Variants in ZMYM6 observed in about 807,000 individuals in gnomAD.
ZMYM6 encodes the protein zinc finger MYM-type containing 6.
A neutral mutation model predicts 134.0 loss-of-function variants in ZMYM6; 90 were observed. That is an observed-to-expected ratio of 0.67 (90% CI 0.57 to 0.80). The LOEUF is 0.80. Among genes scored for constraint, ZMYM6 ranks in the 30% least tolerant of loss-of-function variants. The probability of loss-of-function intolerance (pLI) is 0.00; values close to 1 mark genes in which losing one functional copy is unlikely to be tolerated. For missense variants in ZMYM6, 1,362 were observed against 1,533.9 expected, an observed-to-expected ratio of 0.89 and a Z score of 1.87; for synonymous variants, 481 against 524.1, an observed-to-expected ratio of 0.92 and a Z score of 1.12.
intron 14 of ZMYM6, among the ~76,000 whole-genome samples, chr1:34,995,330 A>ATATATGTATATACGTTG (rs1640765293): frequency 6.6e-6 from 1 of 150,846 alleles, no homozygotes; most frequent in Admixed American, 6.6e-5. Flanking sequence ...CACATATACA[A>ATATATGTATATACGTTG]TATATGTATA....
At chr1:34,999,836 A>G (rs1004231203) in intron 14 of ZMYM6, among the ~76,000 whole-genome samples, 1 of 152,178 alleles carries the variant, frequency 6.6e-6, no homozygotes, top group Admixed American at 6.5e-5. Context: ...AAAAATGAAA[A>G]TGCTCTTTGA....
rs1449537654 is a variant in ZMYM6, at chr1:35,010,771, A to T, written c.1328T>A (p.Leu443His). Reference sequence around the variant, plus strand: ...ATCTCTCTTTACCTTGTAAAAAAGAAGTTCTGGTTTTGTGGCAAATAGATG... The same window carrying T: ...ATCTCTCTTTACCTTGTAAAAAAGATGTTCTGGTTTTGTGGCAAATAGATG... Reference protein sequence around the residue: ...CNHLFATKPELLFYKGKMFLF... With the variant: ...CNHLFATKPEHLFYKGKMFLF... The change falls in exon 9 of 16, where the codon CTT (leucine) becomes CAT (histidine). Residue 443 changes from leucine (L) to histidine (H), a missense_variant. Leu to His is a moderately conservative substitution (Grantham distance 99). Transcript: ENST00000357182. The T allele has an allele frequency of 1.3e-6, 2 of 1,561,474 alleles. No individual in the cohort carries two copies. Among genetic ancestry groups the T allele is most frequent in the East Asian group, 4.5e-5 (2 of 44,596 alleles).
chr1:34,988,958 T>G (rs368659409), intron 15 of ZMYM6, 23 bp from the exon 16 acceptor site: 1 of 1,592,644 alleles, frequency 6.3e-7, no homozygotes, highest in African/African-American at 1.4e-5. Flanking sequence ...TTTGAATCAC[T>G]GTTATTTTCA....
intron 14 of ZMYM6, 31 bp downstream of exon 14, chr1:35,003,937 T>C (rs920660678): frequency 6.3e-7 from 1 of 1,598,820 alleles, no homozygotes; most frequent in African/African-American, 1.3e-5. Flanking sequence ...CAAGTGGCAT[T>C]ATCAAGAAAA....
chr1:35,031,358 T>C (rs1231121897), intron 1 of ZMYM6: 1 of 152,176 alleles, frequency 6.6e-6, no homozygotes, highest in Non-Finnish European at 1.5e-5. Context: ...GAAACTCAAT[T>C]GGCCATTCAG....
At chr1:35,010,707 T>A in intron 9 of ZMYM6, 51 bp downstream of exon 9, 2 of 1,537,676 alleles carry the variant, frequency 1.3e-6, no homozygotes, top group Non-Finnish European at 1.7e-6. Context: ...AACACAAAAG[T>A]GTTTCTACTG....
chr1:35,010,403 TTA>T, intron 10 of ZMYM6, 42 bp downstream of exon 10: 1 of 1,572,210 alleles, frequency 6.4e-7, no homozygotes. Context: ...TCGTCATGAA[TTA>T]TAACAACCCA....
intron 14 of ZMYM6, 126 bp downstream of exon 14, chr1:35,003,842 C>T (rs1640919752): frequency 2.5e-6 from 2 of 790,682 alleles, no homozygotes; most frequent in Non-Finnish European, 4.2e-6. Context: ...TGCCCAAGAC[C>T]TAGATTAATG....
At chr1:35,029,821 G>A (rs1199165405) in intron 2 of ZMYM6, among the ~76,000 whole-genome samples, 1 of 152,032 alleles carries the variant, frequency 6.6e-6, no homozygotes, top group Non-Finnish European at 1.5e-5. Context: ...CCAAAACTAG[G>A]TCAGATTCCC....
At position 34,987,960 on chromosome 1, in the gene ZMYM6, T is replaced by C. The variant is rs1429987907; in HGVS notation, c.3122A>G (p.Lys1041Arg). 3.9e-6 allele frequency: 6 copies of C among 1,551,598 alleles called. No homozygotes were observed. The highest frequency in any genetic ancestry group is 5.2e-6 in the Non-Finnish European group (6 of 1,146,964). ...LQSAQILSFIKSNALNSRMLT... is the reference protein window; with the variant it reads ...LQSAQILSFIRSNALNSRMLT... ...CATACGTGAATTTAATGCATTGCTCTTTATAAAACTTAAAATTTGTGCTGA... is the reference window on the plus strand; with the variant it reads ...CATACGTGAATTTAATGCATTGCTCCTTATAAAACTTAAAATTTGTGCTGA... Residue 1041 changes from lysine to arginine, a missense_variant, in exon 16 of 16, where the codon AAG becomes AGG. This residue lies in a region of ZMYM6 where 824 missense variants were observed against 940.9 expected (regional missense o/e 0.88). Coordinates refer to ENST00000357182, the MANE Select transcript of ZMYM6 (RefSeq NM_007167.4).
chr1:34,989,203 T>C (rs1021728532), intron 15 of ZMYM6: 17 of 1,181,590 alleles, frequency 1.4e-5, no homozygotes, highest in African/African-American at 4.8e-5. Flanking sequence ...CAATAGGTTA[T>C]TGAAATTAGG....
chr1:35,016,276 A>G (rs192494030), intron 4 of ZMYM6, among the ~76,000 whole-genome samples: 1 of 152,306 alleles, frequency 6.6e-6, no homozygotes. Context: ...TTTAAAAATT[A>G]AAAGTGCAAG....
chr1:35,030,700 G>T lies in ZMYM6; in HGVS notation c.-61C>A. 1 of 1,471,276 alleles carries T rather than the reference G, an allele frequency of 6.8e-7. No individual in the cohort carries two copies. The highest frequency in any genetic ancestry group is 9.4e-7 in the Non-Finnish European group (1 of 1,066,088). The allele number at this position is 1,471,276 out of a possible 1,614,324, so 91.1% of individuals were successfully genotyped here. ...AACGAATAGATTTCTTCTTGGTAAT[G>T]GATAGTTGGACACCTAAAATACATA... On this transcript the variant is annotated 5_prime_UTR_variant, in exon 2 of 16. Coordinates refer to ENST00000357182, the MANE Select transcript of ZMYM6 (RefSeq NM_007167.4).
chr1:34,995,975 C>A (rs552428344), intron 14 of ZMYM6, among the ~76,000 whole-genome samples: 33 of 151,970 alleles, frequency 2.2e-4, no homozygotes, highest in African/African-American at 8.0e-4. Context: ...ATTAAATGTA[C>A]CATAAGTAAT....
rs1228136927 is a variant in ZMYM6 at position 34,989,071 on chromosome 1, G to A, written c.2147-136C>T. 4 of 1,460,196 alleles carry A rather than the reference G, an allele frequency of 2.7e-6. No individual in the cohort carries two copies. In the African/African-American group the frequency reaches 5.7e-5, roughly 21 times the overall value. The allele number at this position is 1,460,196 out of a possible 1,614,324, so 90.5% of individuals were successfully genotyped here. ...AAAGAATGCACTGGTAAAAGTTTAAGCACAAGTCATAATACTTCCAATGAT... is the reference window on the plus strand; with the variant it reads ...AAAGAATGCACTGGTAAAAGTTTAAACACAAGTCATAATACTTCCAATGAT... On this transcript the variant is annotated intron_variant, in intron 15 of 15. Transcript: ENST00000357182.
At chr1:35,013,209 C>A (rs1246457542) in intron 6 of ZMYM6, 8 of 701,786 alleles carry the variant, frequency 1.1e-5, no homozygotes, top group Non-Finnish European at 1.4e-5. Flanking sequence ...TCACAGAAAC[C>A]TTTCAACAAC....
chr1:35,006,091 T>C (rs900121813), intron 12 of ZMYM6, among the ~76,000 whole-genome samples: 4 of 152,018 alleles, frequency 2.6e-5, no homozygotes, highest in Admixed American at 6.6e-5. Context: ...CACTGTAACC[T>C]CCATCTCTTG....
intron 15 of ZMYM6, chr1:34,989,175 C>T: frequency 7.9e-7 from 1 of 1,258,204 alleles, no homozygotes. Flanking sequence ...GGTACATGTA[C>T]AAGTAATCCC....
Position 34,987,383 on chromosome 1 carries a change from T to C in ZMYM6, c.3699A>G (p.Glu1233=), listed in dbSNP as rs1557552174. ...QNNNLTDFEE[E]KLTELSSDLG... ...AATCTGAAGATAGCTCTGTTAGCTTTTCTTCTTCGAAGTCGGTGAGATTAT... is the reference window on the plus strand; with the variant it reads ...AATCTGAAGATAGCTCTGTTAGCTTCTCTTCTTCGAAGTCGGTGAGATTAT... The change falls in exon 16 of 16, where the codon GAA becomes GAG. Residue 1233 remains glutamate (E), a synonymous_variant. Transcript: ENST00000357182. The C allele has an allele frequency of 6.2e-7, 1 of 1,613,982 alleles. No homozygotes were observed. Among genetic ancestry groups the C allele is most frequent in the Admixed American group, 1.7e-5 (1 of 59,996 alleles).
Sources: allele counts gnomAD v4.1 joint callset (sites outside exome capture counted in the v4.1 genomes callset), GRCh38; gene constraint gnomAD v4.1.1; regional missense constraint gnomAD v4.1.1; transcripts MANE v1.5; gene names NCBI Gene and HGNC (gene_info 2026-07-23, HGNC 2026-07-21).